The following STX12 variants were observed in gnomAD, a reference collection of about 807,000 sequenced individuals.
The protein encoded by STX12 is syntaxin 12.
STX12 carries 17 observed loss-of-function variants against 42.2 expected under a neutral mutation model. The ratio of observed to expected loss-of-function variants is 0.40; its 90% CI spans 0.28 to 0.60. The LOEUF (loss-of-function observed/expected upper bound fraction) is 0.60. Ranked by LOEUF, STX12 falls within the 20% of genes least tolerant of loss-of-function variation. The pLI is 0.39. For synonymous variants in STX12, 108 were observed against 116.7 expected, an observed-to-expected ratio of 0.93 and a Z score of 0.48; for missense variants, 297 against 330.9, an observed-to-expected ratio of 0.90 and a Z score of 0.79.
chr1:27,806,717 T>A (rs1458453106), intron 4 of STX12, among the ~76,000 whole-genome samples: 1 of 152,206 alleles, frequency 6.6e-6, no homozygotes, highest in African/African-American at 2.4e-5. Context: ...AGATACTACC[T>A]GAGACTGGAT....
At chr1:27,779,894 C>T (rs980833256) in intron 1 of STX12, among the ~76,000 whole-genome samples, 1 of 151,832 alleles carries the variant, frequency 6.6e-6, no homozygotes, top group Non-Finnish European at 1.5e-5. Context: ...CAGGTTCAAG[C>T]GATCCTCCAG....
intron 4 of STX12, among the ~76,000 whole-genome samples, chr1:27,802,352 C>G (rs2088833199): frequency 6.6e-6 from 1 of 152,080 alleles, no homozygotes; most frequent in Non-Finnish European, 1.5e-5. Flanking sequence ...AGCCAAAGGT[C>G]CATGCAAGAG....
chr1:27,793,491 C>T, intron 2 of STX12, 42 bp from the exon 3 acceptor site: 1 of 1,559,180 alleles, frequency 6.4e-7, no homozygotes, highest in South Asian at 1.1e-5. Context: ...ATAACCCTCT[C>T]AAGAAGTGAC....
Position 27,773,494 on chromosome 1 carries a change from C to G in STX12, c.118+69C>G, listed in dbSNP as rs113246948. 3,243 of 1,448,194 alleles carry G rather than the reference C, an allele frequency of 2.2e-3. 33 individuals are homozygous for G. The African/African-American group carries it at 0.025, about 11-fold the overall frequency. The allele number at this position is 1,448,194 out of a possible 1,614,324, so 89.7% of individuals were successfully genotyped here. On this transcript the variant is annotated intron_variant, in intron 1 of 8. Transcript: ENST00000373943. ...ACAGGCCTGGGTGAGGCTGCCGGGACGCAGGGCCCGGCTGGGGCTACGGCC... is the reference window on the plus strand; with the variant it reads ...ACAGGCCTGGGTGAGGCTGCCGGGAGGCAGGGCCCGGCTGGGGCTACGGCC...
chr1:27,819,745 A>G lies in STX12; in HGVS notation c.732+13A>G, dbSNP rs1213153765. ...TGCTTACTATCAGGTAAAAGCGGGTACCAAAGAAAGTCACTCTGTGTTGCA... is the reference window on the plus strand; with the variant it reads ...TGCTTACTATCAGGTAAAAGCGGGTGCCAAAGAAAGTCACTCTGTGTTGCA... On this transcript the variant is annotated intron_variant, in intron 8 of 8. Transcript: ENST00000373943. The G allele has an allele frequency of 5.6e-6, 9 of 1,612,198 alleles. No homozygotes were observed. Among genetic ancestry groups the G allele is most frequent in the Non-Finnish European group, 7.6e-6 (9 of 1,178,840 alleles).
At chr1:27,793,747 T>C (rs2088765325) in intron 3 of STX12, 115 bp downstream of exon 3, 2 of 697,420 alleles carry the variant, frequency 2.9e-6, no homozygotes, top group Non-Finnish European at 4.8e-6. Context: ...ATAGACCTCC[T>C]CTGCACCTCA....
intron 3 of STX12, among the ~76,000 whole-genome samples, chr1:27,795,608 T>C (rs558466471): frequency 2.0e-5 from 3 of 152,192 alleles, no homozygotes; most frequent in East Asian, 3.9e-4. Flanking sequence ...ACCTGGCCCA[T>C]GTTGTCAAAT....
chr1:27,818,495 T>G, intron 7 of STX12, among the ~76,000 whole-genome samples: 1 of 152,230 alleles, frequency 6.6e-6, no homozygotes, highest in Non-Finnish European at 1.5e-5. Flanking sequence ...TTTTTTATGT[T>G]ATCAAATGTA....
intron 7 of STX12, among the ~76,000 whole-genome samples, chr1:27,818,623 G>C (rs1339091191): frequency 6.6e-6 from 1 of 151,324 alleles, no homozygotes; most frequent in African/African-American, 2.4e-5. Flanking sequence ...AAATTATGGG[G>C]TTAGTAACCC....
At chr1:27,785,141 C>T (rs1194691069) in intron 1 of STX12, among the ~76,000 whole-genome samples, 1 of 152,124 alleles carries the variant, frequency 6.6e-6, no homozygotes, top group African/African-American at 2.4e-5. Flanking sequence ...CTAAGGAATG[C>T]TCTACTTTTT....
chr1:27,806,848 G>A (rs1214679877), intron 4 of STX12, among the ~76,000 whole-genome samples: 1 of 152,120 alleles, frequency 6.6e-6, no homozygotes, highest in Admixed American at 6.6e-5. Context: ...ATGGTGGCAG[G>A]AGAAAGAGAA....
intron 3 of STX12, among the ~76,000 whole-genome samples, chr1:27,798,504 G>A (rs561936496): frequency 2.0e-5 from 3 of 151,846 alleles, no homozygotes; most frequent in Non-Finnish European, 4.4e-5. Context: ...AATTAGCCAG[G>A]CGTGATGGTG....
At position 27,801,679 on chromosome 1, in the gene STX12, G is replaced by A. The variant is rs199854693; in HGVS notation, c.290G>A (p.Arg97His). The A allele has an allele frequency of 1.1e-4, 172 of 1,508,638 alleles. 2 individuals carry two copies. The highest frequency in any genetic ancestry group is 1.1e-4 in the Non-Finnish European group (122 of 1,133,594). The allele number at this position is 1,508,638 out of a possible 1,614,324, so 93.5% of individuals were successfully genotyped here. The change falls in exon 4 of 9, where the codon CGC (arginine) becomes CAC (histidine). Residue 97 changes from arginine (R) to histidine (H), a missense_variant and splice_region_variant. By Grantham distance (29) the Arg-to-His change is conservative (BLOSUM62 0). Coordinates refer to ENST00000373943, the MANE Select transcript of STX12 (RefSeq NM_177424.3). ...CAAGTTCTTGCTTGATTTCCTTAGC[G>A]CCAGCAGAGACTTCAGAAGGAACGC... ...LPLPLSTSEQRQQRLQKERLM... is the reference protein window; with the variant it reads ...LPLPLSTSEQHQQRLQKERLM...
intron 4 of STX12, among the ~76,000 whole-genome samples, chr1:27,807,082 A>G (rs1478121071): frequency 6.6e-6 from 1 of 152,082 alleles, no homozygotes; most frequent in African/African-American, 2.4e-5. Context: ...TTGTGGGCAC[A>G]TGGTAGGTGT....
At chr1:27,800,716 G>T (rs1021031949) in intron 3 of STX12, among the ~76,000 whole-genome samples, 2 of 151,776 alleles carry the variant, frequency 1.3e-5, no homozygotes, top group African/African-American at 4.8e-5. Flanking sequence ...ATAGGATTTT[G>T]TCATGTTGCT....
At chr1:27,800,529 G>T (rs910233075) in intron 3 of STX12, among the ~76,000 whole-genome samples, 2 of 127,024 alleles carry the variant, frequency 1.6e-5, no homozygotes, top group African/African-American at 6.0e-5. Flanking sequence ...GTGTGTGTGT[G>T]TGTTTTGTTT....
At chr1:27,792,275 T>TAC (rs2088752976) in intron 2 of STX12, among the ~76,000 whole-genome samples, 1 of 111,056 alleles carries the variant, frequency 9.0e-6, no homozygotes, top group Non-Finnish European at 1.8e-5. Flanking sequence ...TATATGTATC[T>TAC]ATATATATGT....
chr1:27,777,576 C>G (rs1165867550), intron 1 of STX12, among the ~76,000 whole-genome samples: 1 of 152,042 alleles, frequency 6.6e-6, no homozygotes, highest in African/African-American at 2.4e-5. Flanking sequence ...ATCCTATGAC[C>G]CTAGGCAGTG....
chr1:27,820,983 A>C (rs993743388), intron 8 of STX12, among the ~76,000 whole-genome samples: 2 of 140,518 alleles, frequency 1.4e-5, no homozygotes, highest in Non-Finnish European at 3.0e-5. Context: ...ATGAGAACAC[A>C]TGGACACAGG....
Sources: allele counts gnomAD v4.1 joint callset (sites outside exome capture counted in the v4.1 genomes callset), GRCh38; gene constraint gnomAD v4.1.1; transcripts MANE v1.5; gene names NCBI Gene and HGNC (gene_info 2026-07-23, HGNC 2026-07-21).